NOVA1: variants seen among roughly 807,000 people sequenced by gnomAD.
NOVA1 encodes RNA-binding protein Nova-1.
NOVA1 carries 7 observed loss-of-function variants against 38.0 expected under a neutral mutation model. The ratio of observed to expected loss-of-function variants is 0.18; its 90% CI spans 0.10 to 0.35. The LOEUF is 0.35. NOVA1 is among the 10% of genes least tolerant of loss of function. The pLI, the probability that NOVA1 is intolerant of heterozygous loss-of-function variation, is 1.00. For missense variants in NOVA1, 460 were observed against 616.0 expected (o/e 0.75, Z 2.68); for synonymous variants, 270 against 232.5 (o/e 1.16, Z -1.47).
At chr14:26,529,847 T>C (rs2138545127) in intron 2 of NOVA1, among the ~76,000 whole-genome samples, 1 of 152,350 alleles carries the variant, frequency 6.6e-6, no homozygotes, top group Non-Finnish European at 1.5e-5. Context: ...CCTTTTCCTG[T>C]ATGTGATGAG....
chr14:26,465,078 G>A (rs1020276954), intron 4 of NOVA1, among the ~76,000 whole-genome samples: 4 of 152,208 alleles, frequency 2.6e-5, no homozygotes, highest in South Asian at 2.1e-4. Context: ...TGGATGTCAC[G>A]ATATTTCTAG....
intron 4 of NOVA1, among the ~76,000 whole-genome samples, chr14:26,451,129 A>AT (rs1882633307): frequency 6.6e-6 from 1 of 152,158 alleles, no homozygotes; most frequent in Non-Finnish European, 1.5e-5. Flanking sequence ...TTATTATTTT[A>AT]TAACATTCAC....
intron 2 of NOVA1, among the ~76,000 whole-genome samples, chr14:26,534,662 T>C (rs923646510): frequency 1.3e-5 from 2 of 152,104 alleles, no homozygotes; most frequent in Non-Finnish European, 2.9e-5. Flanking sequence ...ACTCACATAA[T>C]ACACACACCC....
chr14:26,533,866 G>C (rs178173), intron 2 of NOVA1, among the ~76,000 whole-genome samples: 2 of 152,126 alleles, frequency 1.3e-5, no homozygotes, highest in Non-Finnish European at 2.9e-5. Context: ...CTGAGAACAA[G>C]GTAAATTATC....
intron 2 of NOVA1, among the ~76,000 whole-genome samples, chr14:26,495,490 C>CT (rs976625594): frequency 2.0e-5 from 3 of 151,794 alleles, no homozygotes; most frequent in African/African-American, 4.8e-5. Context: ...TTATAACAAG[C>CT]TTTTTTTTGT....
chr14:26,529,326 C>T (rs576421965), intron 2 of NOVA1, among the ~76,000 whole-genome samples: 8 of 151,938 alleles, frequency 5.3e-5, no homozygotes, highest in East Asian at 1.9e-4. Context: ...TTAGTAGAGA[C>T]GGGGTTTCAT....
chr14:26,513,552 A>T, intron 2 of NOVA1, among the ~76,000 whole-genome samples: 1 of 151,842 alleles, frequency 6.6e-6, no homozygotes, highest in East Asian at 1.9e-4. Context: ...ATCCAGAAGA[A>T]AATGTCAGTG....
chr14:26,465,116 T>A (rs895271452), intron 4 of NOVA1, among the ~76,000 whole-genome samples: 1 of 152,218 alleles, frequency 6.6e-6, no homozygotes, highest in African/African-American at 2.4e-5. Context: ...CTGATGAACA[T>A]TATCTTGATA....
intron 2 of NOVA1, among the ~76,000 whole-genome samples, chr14:26,540,239 T>C (rs1890380069): frequency 6.6e-6 from 1 of 152,138 alleles, no homozygotes; most frequent in Non-Finnish European, 1.5e-5. Flanking sequence ...GAGCTCTGCC[T>C]CCTGTCAGAT....
chr14:26,528,938 G>T (rs910914044), intron 2 of NOVA1, among the ~76,000 whole-genome samples: 1 of 152,118 alleles, frequency 6.6e-6, no homozygotes, highest in African/African-American at 2.4e-5. Flanking sequence ...CCAGCCAGCT[G>T]AAGTGAGATA....
At chr14:26,558,339 A>G (rs1468767463) in intron 2 of NOVA1, among the ~76,000 whole-genome samples, 1 of 152,186 alleles carries the variant, frequency 6.6e-6, no homozygotes, top group Non-Finnish European at 1.5e-5. Flanking sequence ...GTCCTTCAAC[A>G]CAGGTGGATG....
intron 2 of NOVA1, among the ~76,000 whole-genome samples, chr14:26,541,877 T>TA (rs1342934102): frequency 6.6e-6 from 1 of 151,746 alleles, no homozygotes; most frequent in Admixed American, 6.6e-5. Flanking sequence ...GTTATTGCTA[T>TA]AAGAAGTATG....
chr14:26,508,357 G>T (rs1887800225), intron 2 of NOVA1, among the ~76,000 whole-genome samples: 1 of 151,934 alleles, frequency 6.6e-6, no homozygotes, highest in African/African-American at 2.4e-5. Flanking sequence ...GTATGTTCTT[G>T]CTTTCAGTAG....
rs869087238 is a variant in NOVA1 at position 26,484,428 on chromosome 14, GAAAAAAAAAAAAAAAAA to G, written c.281-4302_281-4286del. On this transcript the variant is annotated intron_variant, in intron 2 of 4. Transcript: ENST00000539517. ...TCCAGCCTGGGCGAGACTCCGTCTC[GAAAAAAAAAAAAAAAAA>G]AAAAAAAAAAAAAAAAAGAAATTAA... Among the ~76,000 whole-genome samples the G allele has an allele frequency of 6.2e-3, 351 of 56,476 alleles. 6 individuals are homozygous for G. Among genetic ancestry groups the G allele is most frequent in the African/African-American group, 0.024 (320 of 13,416 alleles). 37.1% of individuals were successfully genotyped at this position (56,476 alleles called of 152,430 possible). A position where few individuals can be genotyped will look rare whatever the true frequency, so the allele number is the denominator to read the frequency against.
intron 2 of NOVA1, among the ~76,000 whole-genome samples, chr14:26,508,098 T>G (rs1887778918): frequency 6.6e-6 from 1 of 152,080 alleles, no homozygotes; most frequent in African/African-American, 2.4e-5. Context: ...ACATAGCAAC[T>G]GCTGTTGTTC....
rs201722453 is a variant in NOVA1, at chr14:26,554,479, G to GA, written c.280+40930dup. On this transcript the variant is annotated intron_variant, in intron 2 of 4. Coordinates refer to ENST00000539517, the MANE Select transcript of NOVA1 (RefSeq NM_002515.3). ...GTCCAAGTCATATTGACTGAAAGAAGAGAAATTGAGTTATAGGTTGGCTAT... is the reference window on the plus strand; with the variant it reads ...GTCCAAGTCATATTGACTGAAAGAAGAAGAAATTGAGTTATAGGTTGGCTAT... 1.1e-3 allele frequency among the ~76,000 whole-genome samples: 173 copies of GA among 152,260 alleles called. No individual in the cohort carries two copies. In the East Asian group the frequency reaches 0.032, roughly 28 times the overall value.
chr14:26,563,622 A>G (rs1202436238), intron 2 of NOVA1, among the ~76,000 whole-genome samples: 3 of 152,072 alleles, frequency 2.0e-5, no homozygotes, highest in African/African-American at 7.2e-5. Context: ...GCCTACAATT[A>G]TATACATAAG....
chr14:26,527,569 C>G (rs1326245328), intron 2 of NOVA1, among the ~76,000 whole-genome samples: 1 of 152,004 alleles, frequency 6.6e-6, no homozygotes, highest in Non-Finnish European at 1.5e-5. Flanking sequence ...TATGTGTGCT[C>G]TTGACTATCA....
chr14:26,597,269 G>A, intron 1 of NOVA1, 32 bp downstream of exon 1: 2 of 1,237,240 alleles, frequency 1.6e-6, no homozygotes, highest in Non-Finnish European at 2.0e-6. Context: ...GGCGGGGGAT[G>A]GGGCCAGCGG....
Sources: allele counts gnomAD v4.1 joint callset (sites outside exome capture counted in the v4.1 genomes callset), GRCh38; gene constraint gnomAD v4.1.1; transcripts MANE v1.5; gene names NCBI Gene and HGNC (gene_info 2026-07-23, HGNC 2026-07-21).